ANO6: variants seen among roughly 807,000 people sequenced by gnomAD.
ANO6 encodes the protein anoctamin-6.
Under a neutral mutation model 117.5 loss-of-function variants are expected in ANO6, and 106 were observed. That is an observed-to-expected ratio of 0.90 (90% CI 0.77 to 1.06). ANO6 has a LOEUF of 1.06. Among genes scored for constraint, ANO6 ranks in the 50% least tolerant of loss-of-function variants. The pLI is 0.00. For missense variants in ANO6, 955 were observed against 1,121.1 expected, an observed-to-expected ratio of 0.85 and a Z score of 2.12; for synonymous variants, 367 against 385.1, an observed-to-expected ratio of 0.95 and a Z score of 0.55.
At chr12:45,298,166 A>G (rs1420806539) in intron 1 of ANO6, among the ~76,000 whole-genome samples, 4 of 152,224 alleles carry the variant, frequency 2.6e-5, no homozygotes, top group African/African-American at 9.6e-5. Flanking sequence ...TGATGAACAG[A>G]TAACATAGAG....
intron 1 of ANO6, among the ~76,000 whole-genome samples, chr12:45,278,768 T>C (rs1938631092): frequency 6.6e-6 from 1 of 152,232 alleles, no homozygotes; most frequent in Non-Finnish European, 1.5e-5. Context: ...TCTTGTCCCT[T>C]CTAATTTTTG....
intron 1 of ANO6, among the ~76,000 whole-genome samples, chr12:45,275,537 A>G (rs1369658344): frequency 6.6e-6 from 1 of 152,162 alleles, no homozygotes; most frequent in Non-Finnish European, 1.5e-5. Flanking sequence ...CAAAACTTCT[A>G]AAATGTTGCC....
chr12:45,236,224 G>A (rs1947643129), intron 1 of ANO6, among the ~76,000 whole-genome samples: 1 of 152,100 alleles, frequency 6.6e-6, no homozygotes, highest in South Asian at 2.1e-4. Flanking sequence ...ATGTGCCACT[G>A]TCAGTTGTTA....
chr12:45,358,783 CTTTT>C (rs397688092), intron 8 of ANO6, among the ~76,000 whole-genome samples: 2 of 142,726 alleles, frequency 1.4e-5, no homozygotes, highest in Admixed American at 7.0e-5. Context: ...TATGTCCCTC[CTTTT>C]TTTTTTTTTT....
At chr12:45,344,617 C>A (rs1480699031) in intron 3 of ANO6, among the ~76,000 whole-genome samples, 1 of 152,160 alleles carries the variant, frequency 6.6e-6, no homozygotes, top group African/African-American at 2.4e-5. Flanking sequence ...TCAGGCCCCT[C>A]CCCTAACATT....
chr12:45,220,428 CCT>C (rs72172667), intron 1 of ANO6, among the ~76,000 whole-genome samples: 1,581 of 152,270 alleles, frequency 0.01, 29 homozygotes, highest in African/African-American at 0.036. Flanking sequence ...CCCACACCCA[CCT>C]CTCTTTCCTT....
intron 1 of ANO6, among the ~76,000 whole-genome samples, chr12:45,220,633 G>T (rs1947381646): frequency 6.6e-6 from 1 of 152,186 alleles, no homozygotes; most frequent in Non-Finnish European, 1.5e-5. Flanking sequence ...CTGTGATATT[G>T]TGAAATATAT....
intron 9 of ANO6, among the ~76,000 whole-genome samples, chr12:45,371,339 C>A (rs1369963089): frequency 1.3e-5 from 2 of 152,212 alleles, no homozygotes; most frequent in African/African-American, 2.4e-5. Context: ...CCAGGAAGCT[C>A]GAACTTGGTG....
chr12:45,335,508 C>T (rs1450006638), intron 3 of ANO6: 3 of 151,938 alleles, frequency 2.0e-5, no homozygotes, highest in African/African-American at 7.2e-5. Context: ...CTTTATAATA[C>T]AGGTTAAGCA....
At chr12:45,307,928 G>A (rs542807930) in intron 2 of ANO6, among the ~76,000 whole-genome samples, 1 of 152,088 alleles carries the variant, frequency 6.6e-6, no homozygotes, top group East Asian at 1.9e-4. Context: ...GGAGGGGTTT[G>A]GGTTGAGTGG....
chr12:45,255,525 G>A (rs148639794), intron 1 of ANO6, among the ~76,000 whole-genome samples: 1 of 152,222 alleles, frequency 6.6e-6, no homozygotes, highest in East Asian at 1.9e-4. Context: ...GTTGCTGAAG[G>A]AGGTTGTAGT....
At chr12:45,263,004 A>T (rs1260157958) in intron 1 of ANO6, among the ~76,000 whole-genome samples, 1 of 152,132 alleles carries the variant, frequency 6.6e-6, no homozygotes, top group South Asian at 2.1e-4. Flanking sequence ...GGGATCATGT[A>T]GGAGGGGAAC....
intron 1 of ANO6, chr12:45,293,076 T>C: frequency 8.2e-7 from 1 of 1,217,322 alleles, no homozygotes; most frequent in Non-Finnish European, 1.1e-6. Context: ...TAGTCTGCTT[T>C]GTGTGTGTGT....
At position 45,420,794 on chromosome 12, in the gene ANO6, TGAGACCAGGAGTTC is replaced by T. The variant is rs149876772; in HGVS notation, c.2218-262_2218-249del. Among the ~76,000 whole-genome samples, 25,740 of 151,812 alleles carry T rather than the reference TGAGACCAGGAGTTC, an allele frequency of 0.17. 3,176 individuals carry two copies. Among genetic ancestry groups the T allele is most frequent in the East Asian group, 0.45 (2,310 of 5,114 alleles). The stretch of plus-strand genomic sequence containing the variant: ...GGGAGGCTGAGGTGGGCAGATCACC[TGAGACCAGGAGTTC>T]GAGACCAGGAGTTCAAGACCAGCCT... On this transcript the variant is annotated intron_variant, in intron 17 of 19. Coordinates refer to ENST00000320560, the MANE Select transcript of ANO6 (RefSeq NM_001025356.3).
intron 12 of ANO6, among the ~76,000 whole-genome samples, chr12:45,401,433 T>C (rs1423986355): frequency 6.6e-6 from 1 of 152,216 alleles, no homozygotes; most frequent in Non-Finnish European, 1.5e-5. Flanking sequence ...AGTATGCTAC[T>C]AGTTGTTCCA....
rs1943630262 is a variant in ANO6 at position 45,431,438 on chromosome 12, T to G, written c.*2127T>G. 1.0e-6 allele frequency: 1 copy of G among 985,310 alleles called. No individual in the cohort carries two copies. 61.0% of individuals were successfully genotyped at this position (985,310 alleles called of 1,614,324 possible). A position where few individuals can be genotyped will look rare whatever the true frequency, so the allele number is the denominator to read the frequency against. On this transcript the variant is annotated 3_prime_UTR_variant, in exon 20 of 20. Coordinates refer to ENST00000320560, the MANE Select transcript of ANO6 (RefSeq NM_001025356.3). ...AAATGTTTTTACCTTATCTCCTGTA[T>G]GTATGATAGAACTTAAAAGAAATGT...
chr12:45,364,633 C>T (rs1941638351), intron 8 of ANO6, among the ~76,000 whole-genome samples: 1 of 152,064 alleles, frequency 6.6e-6, no homozygotes, highest in Non-Finnish European at 1.5e-5. Flanking sequence ...CTAATTGGTT[C>T]TTTTTAATAA....
intron 2 of ANO6, among the ~76,000 whole-genome samples, chr12:45,329,688 A>G (rs1489708636): frequency 2.3e-4 from 35 of 152,094 alleles, no homozygotes; most frequent in Admixed American, 2.3e-3. Context: ...AGATGTTTGC[A>G]ATGATGACCA....
chr12:45,439,265 T>C (rs1592065130), intron 19 of ANO6, among the ~76,000 whole-genome samples: 2 of 152,176 alleles, frequency 1.3e-5, no homozygotes, highest in African/African-American at 4.8e-5. Context: ...TGCCAGCGCT[T>C]AATCACAGGT....
Sources: allele counts gnomAD v4.1 joint callset (sites outside exome capture counted in the v4.1 genomes callset), GRCh38; gene constraint gnomAD v4.1.1; transcripts MANE v1.5; gene names NCBI Gene and HGNC (gene_info 2026-07-23, HGNC 2026-07-21).